Variants in RPTOR observed in about 807,000 individuals in gnomAD.
RPTOR encodes regulatory-associated protein of mTOR.
RPTOR carries 21 observed loss-of-function variants against 169.9 expected under a neutral mutation model. That is an observed-to-expected ratio of 0.12 (90% CI 0.09 to 0.18). RPTOR has a LOEUF of 0.18. Ranked by LOEUF, RPTOR falls within the 10% of genes least tolerant of loss-of-function variation. The probability of loss-of-function intolerance (pLI) is 1.00; values close to 1 mark genes in which losing one functional copy is unlikely to be tolerated. For missense variants in RPTOR, 1,133 were observed against 1,855.9 expected (o/e 0.61, Z 7.16); for synonymous variants, 732 against 753.2 (o/e 0.97, Z 0.46).
chr17:80,933,273 A>G (rs1019944800), intron 24 of RPTOR, among the ~76,000 whole-genome samples: 1 of 152,250 alleles, frequency 6.6e-6, no homozygotes, highest in Non-Finnish European at 1.5e-5. Flanking sequence ...TTAAAAACCA[A>G]TGCAGCAGTA....
intron 1 of RPTOR, among the ~76,000 whole-genome samples, chr17:80,585,993 G>A (rs892199032): frequency 1.3e-5 from 2 of 151,830 alleles, no homozygotes; most frequent in East Asian, 1.9e-4. Flanking sequence ...TCTGAGCCCC[G>A]TTCTCAGTGG....
At chr17:80,740,418 T>G (rs1393347128) in intron 5 of RPTOR, among the ~76,000 whole-genome samples, 1 of 152,226 alleles carries the variant, frequency 6.6e-6, no homozygotes, top group Non-Finnish European at 1.5e-5. Context: ...TCAACTCATT[T>G]TATGAGGCCA....
chr17:80,859,351 A>T (rs2067891779), intron 13 of RPTOR, among the ~76,000 whole-genome samples: 1 of 152,238 alleles, frequency 6.6e-6, no homozygotes, highest in Non-Finnish European at 1.5e-5. Context: ...GAACGTGAAG[A>T]TTCTAGAACA....
At chr17:80,681,206 G>T (rs1366569134) in intron 3 of RPTOR, among the ~76,000 whole-genome samples, 1 of 152,174 alleles carries the variant, frequency 6.6e-6, no homozygotes, top group Non-Finnish European at 1.5e-5. Flanking sequence ...CCAAATGCTG[G>T]CAGTGGAGTG....
chr17:80,904,967 G>A (rs527523774), intron 20 of RPTOR, among the ~76,000 whole-genome samples: 2 of 152,234 alleles, frequency 1.3e-5, no homozygotes, highest in South Asian at 4.1e-4. Flanking sequence ...TTTGATATAA[G>A]TGGAAGTCTG....
At chr17:80,800,574 A>AC (rs34644217) in intron 7 of RPTOR, among the ~76,000 whole-genome samples, 107 of 151,836 alleles carry the variant, frequency 7.0e-4, no homozygotes, top group Middle Eastern at 3.4e-3. Context: ...TCCTCGAGCG[A>AC]CCCCCCCAGT....
In RPTOR at chr17:80,560,519, G is replaced by A. The variant is rs1237476114; in HGVS notation, c.162+14728G>A. Among the ~76,000 whole-genome samples the A allele has an allele frequency of 2.6e-5, 4 of 152,120 alleles. No individual in the cohort carries two copies. The South Asian group carries it at 6.2e-4, about 24-fold the overall frequency. Reference sequence around the variant, plus strand: ...GTGGTGGTGGCTGGATGGGCCGGACGGAGAAAGGCCTTCTGGAGGTGGGAG... The same window carrying A: ...GTGGTGGTGGCTGGATGGGCCGGACAGAGAAAGGCCTTCTGGAGGTGGGAG... On this transcript the variant is annotated intron_variant, in intron 1 of 33. Transcript: ENST00000306801.
At chr17:80,564,039 G>C (rs2084539298) in intron 1 of RPTOR, among the ~76,000 whole-genome samples, 1 of 151,936 alleles carries the variant, frequency 6.6e-6, no homozygotes, top group South Asian at 2.1e-4. Context: ...CTAAAATTGT[G>C]CTGCAGGGAA....
At chr17:80,864,613 C>G (rs1312277922) in intron 13 of RPTOR, among the ~76,000 whole-genome samples, 2 of 152,024 alleles carry the variant, frequency 1.3e-5, no homozygotes, top group African/African-American at 4.8e-5. Context: ...AAAGCTTATC[C>G]CCGGCAGATC....
At chr17:80,645,573 T>G (rs1264979392) in intron 3 of RPTOR, among the ~76,000 whole-genome samples, 1 of 152,212 alleles carries the variant, frequency 6.6e-6, no homozygotes, top group Non-Finnish European at 1.5e-5. Context: ...TTTTTTTGAG[T>G]GCTAAGAGTT....
intron 5 of RPTOR, among the ~76,000 whole-genome samples, chr17:80,748,044 G>A (rs1047201082): frequency 2.8e-5 from 4 of 140,628 alleles, no homozygotes; most frequent in African/African-American, 8.2e-5. Context: ...AGAGGCCGTG[G>A]CGGGAGGACC....
chr17:80,549,633 T>G (rs1360390304), intron 1 of RPTOR, among the ~76,000 whole-genome samples: 2 of 152,206 alleles, frequency 1.3e-5, no homozygotes, highest in Admixed American at 1.3e-4. Flanking sequence ...ACTTTATAGT[T>G]ATCACAGAGT....
chr17:80,710,090 C>T (rs1052359624), intron 4 of RPTOR, among the ~76,000 whole-genome samples: 1 of 151,402 alleles, frequency 6.6e-6, no homozygotes, highest in African/African-American at 2.4e-5. Flanking sequence ...ATTCCTCCCA[C>T]CTCAGCCTCC....
At chr17:80,929,163 A>G (rs1598406853) in intron 24 of RPTOR, among the ~76,000 whole-genome samples, 1 of 152,364 alleles carries the variant, frequency 6.6e-6, no homozygotes, top group East Asian at 1.9e-4. Flanking sequence ...AGAATACTAT[A>G]CAACCATTAA....
intron 12 of RPTOR, among the ~76,000 whole-genome samples, chr17:80,855,827 G>T (rs535240856): frequency 6.6e-6 from 1 of 152,058 alleles, no homozygotes; most frequent in African/African-American, 2.4e-5. Context: ...GTTGTCGGCC[G>T]GTCACCTTTT....
intron 3 of RPTOR, among the ~76,000 whole-genome samples, chr17:80,685,721 T>A (rs1020339019): frequency 1.4e-5 from 2 of 146,324 alleles, no homozygotes; most frequent in African/African-American, 5.1e-5. Context: ...TTTCCACGAC[T>A]TTTAATTCCT....
intron 10 of RPTOR, among the ~76,000 whole-genome samples, chr17:80,841,207 ACTCT>A (rs2067646645): frequency 9.7e-6 from 1 of 103,390 alleles, no homozygotes; most frequent in Admixed American, 9.2e-5. Flanking sequence ...ACGGCAGCTC[ACTCT>A]CACCGCACGG....
In RPTOR at chr17:80,820,662, T is replaced by A. The variant is rs1258389913; in HGVS notation, c.891-1539T>A. ...GGTCGGAGGGCAGGCAGCCTGGCCATTCCTCCTGCGCACAGTGGACATGCT... is the reference window on the plus strand; with the variant it reads ...GGTCGGAGGGCAGGCAGCCTGGCCAATCCTCCTGCGCACAGTGGACATGCT... On this transcript the variant is annotated intron_variant, in intron 7 of 33. Coordinates refer to ENST00000306801, the MANE Select transcript of RPTOR (RefSeq NM_020761.3). The surrounding 1 kb of genome is among the most constrained non-coding windows in gnomAD (Gnocchi z 4.1). Among the ~76,000 whole-genome samples the A allele has an allele frequency of 6.6e-6, 1 of 152,212 alleles. No individual in the cohort carries two copies. Among genetic ancestry groups the A allele is most frequent in the Non-Finnish European group, 1.5e-5 (1 of 68,032 alleles).
In RPTOR at chr17:80,659,078, C is replaced by T. The variant is rs1219789590; in HGVS notation, c.348+15268C>T. 6.6e-6 allele frequency among the ~76,000 whole-genome samples: 1 copy of T among 152,304 alleles called. No individual in the cohort carries two copies. Among genetic ancestry groups the T allele is most frequent in the Admixed American group, 6.5e-5 (1 of 15,302 alleles). On this transcript the variant is annotated intron_variant, in intron 3 of 33. Coordinates refer to ENST00000306801, the MANE Select transcript of RPTOR (RefSeq NM_020761.3). The surrounding 1 kb of genome is among the most constrained non-coding windows in gnomAD (Gnocchi z 4.3). ...TATTTGTGCCGAGAGCCACAGGGCT[C>T]ACCCGTGGAGGGAATCTGAGTCCCG...
Sources: allele counts gnomAD v4.1 joint callset (sites outside exome capture counted in the v4.1 genomes callset), GRCh38; gene constraint gnomAD v4.1.1; non-coding constraint Gnocchi (gnomAD v3.1); transcripts MANE v1.5; gene names NCBI Gene and HGNC (gene_info 2026-07-23, HGNC 2026-07-21).